RAB28: variants seen among roughly 807,000 people sequenced by gnomAD.
RAB28 encodes ras-related protein Rab-28.
In RAB28, 24 loss-of-function variants were observed where a neutral mutation model predicts 31.7. The ratio of observed to expected loss-of-function variants is 0.76; its 90% CI spans 0.55 to 1.06. RAB28 has a LOEUF of 1.06. Ranked by LOEUF, RAB28 falls within the 50% of genes least tolerant of loss-of-function variation. The pLI is 0.00. For synonymous variants in RAB28, 100 were observed against 90.4 expected, an observed-to-expected ratio of 1.11 and a Z score of -0.60; for missense variants, 254 against 258.5, an observed-to-expected ratio of 0.98 and a Z score of 0.12.
chr4:13,444,381 AAT>A (rs141970253), intron 4 of RAB28, among the ~76,000 whole-genome samples: 1 of 150,768 alleles, frequency 6.6e-6, no homozygotes, highest in African/African-American at 2.4e-5. Flanking sequence ...TGTGTATACA[AAT>A]ATATATATAT....
intron 4 of RAB28, among the ~76,000 whole-genome samples, chr4:13,436,478 T>A (rs1277976458): frequency 6.6e-6 from 1 of 152,054 alleles, no homozygotes; most frequent in Admixed American, 6.6e-5. Context: ...TCCAAAAGAC[T>A]CCTGGACCCA....
intron 4 of RAB28, among the ~76,000 whole-genome samples, chr4:13,388,135 G>C (rs1472304693): frequency 1.3e-5 from 2 of 151,978 alleles, no homozygotes; most frequent in Non-Finnish European, 2.9e-5. Context: ...CGCCATAAAA[G>C]CAATGCTAAT....
intron 3 of RAB28, chr4:13,473,909 T>TA (rs1282591739): frequency 2.8e-6 from 1 of 352,628 alleles, no homozygotes; most frequent in South Asian, 2.2e-5. Flanking sequence ...CACAAAAACA[T>TA]AGACATATAG....
intron 4 of RAB28, among the ~76,000 whole-genome samples, chr4:13,391,690 T>C (rs1729635533): frequency 6.6e-6 from 1 of 151,980 alleles, no homozygotes; most frequent in African/African-American, 2.4e-5. Context: ...ATTAAGAAAA[T>C]GTGGCACATA....
chr4:13,483,528 A>G (rs1716715273), intron 1 of RAB28, among the ~76,000 whole-genome samples: 1 of 152,196 alleles, frequency 6.6e-6, no homozygotes, highest in Non-Finnish European at 1.5e-5. Flanking sequence ...GTATTTTCAC[A>G]TTTCTCCCTT....
intron 5 of RAB28, among the ~76,000 whole-genome samples, chr4:13,377,274 T>C (rs927502354): frequency 3.3e-5 from 5 of 152,240 alleles, no homozygotes; most frequent in African/African-American, 1.2e-4. Context: ...CTGTAATTAC[T>C]AGAGTTCCAA....
chr4:13,438,518 C>G (rs1015419434), intron 4 of RAB28, among the ~76,000 whole-genome samples: 10 of 152,248 alleles, frequency 6.6e-5, no homozygotes, highest in Admixed American at 6.5e-4. Context: ...TAAATAGAAT[C>G]ATGAAATACA....
chr4:13,372,289 G>A (rs745765888), intron 6 of RAB28, among the ~76,000 whole-genome samples: 1 of 152,044 alleles, frequency 6.6e-6, no homozygotes, highest in African/African-American at 2.4e-5. Flanking sequence ...TTTAAAGCAT[G>A]GATATAGGAT....
At chr4:13,376,731 G>T (rs1728938420) in intron 5 of RAB28, 109 bp from the exon 6 acceptor site, 1 of 580,246 alleles carries the variant, frequency 1.7e-6, no homozygotes, top group Admixed American at 3.3e-5. Context: ...GCAAAAATAT[G>T]ATATAGCAGG....
intron 4 of RAB28, among the ~76,000 whole-genome samples, chr4:13,388,841 T>C (rs545371891): frequency 6.6e-6 from 1 of 152,148 alleles, no homozygotes; most frequent in East Asian, 1.9e-4. Flanking sequence ...AACACTAATG[T>C]TTGTTGGTGG....
chr4:13,428,185 C>A (rs1281252534), intron 4 of RAB28, among the ~76,000 whole-genome samples: 1 of 152,236 alleles, frequency 6.6e-6, no homozygotes, highest in Non-Finnish European at 1.5e-5. Context: ...GGGCGCGCCG[C>A]CGGGCTGTCT....
At chr4:13,371,967 G>A in intron 6 of RAB28, 1 of 1,185,678 alleles carries the variant, frequency 8.4e-7, no homozygotes, top group Non-Finnish European at 1.2e-6. Context: ...GGCAGCCATG[G>A]AGGGCATAAG....
At chr4:13,428,944 CTTT>C (rs35547595) in intron 4 of RAB28, among the ~76,000 whole-genome samples, 5 of 133,522 alleles carry the variant, frequency 3.7e-5, no homozygotes, top group Non-Finnish European at 4.8e-5. Context: ...TCTAATTTCA[CTTT>C]TTTTTTTTTT....
At chr4:13,471,667 A>T (rs975172213) in intron 3 of RAB28, among the ~76,000 whole-genome samples, 1 of 151,956 alleles carries the variant, frequency 6.6e-6, no homozygotes, top group African/African-American at 2.4e-5. Flanking sequence ...ATGACCTATC[A>T]TCTATTTTTG....
intron 4 of RAB28, among the ~76,000 whole-genome samples, chr4:13,417,340 CT>C (rs1285450077): frequency 6.6e-6 from 1 of 152,198 alleles, no homozygotes; most frequent in Non-Finnish European, 1.5e-5. Flanking sequence ...GCAGCAGAAA[CT>C]TTTGCACACT....
chr4:13,431,531 A>G (rs1577208159), intron 4 of RAB28, among the ~76,000 whole-genome samples: 1 of 152,116 alleles, frequency 6.6e-6, no homozygotes, highest in African/African-American at 2.4e-5. Flanking sequence ...CTGCTACCAG[A>G]AGAGCTTAGT....
chr4:13,468,428 C>A (rs755894226), intron 3 of RAB28, among the ~76,000 whole-genome samples: 24 of 151,716 alleles, frequency 1.6e-4, no homozygotes, highest in Non-Finnish European at 3.1e-4. Context: ...AGTAAAATAG[C>A]TTTAAAAACT....
intron 4 of RAB28, among the ~76,000 whole-genome samples, chr4:13,430,019 C>A (rs1345408465): frequency 6.6e-6 from 1 of 152,016 alleles, no homozygotes; most frequent in East Asian, 1.9e-4. Context: ...GAGAGTCCAG[C>A]AATAAACCCA....
At chr4:13,461,463 C>T (rs1413280195) in intron 3 of RAB28, among the ~76,000 whole-genome samples, 1 of 152,156 alleles carries the variant, frequency 6.6e-6, no homozygotes, top group Admixed American at 6.5e-5. Context: ...GTTCCTTAAA[C>T]TTGCCTCGAA....
Sources: allele counts gnomAD v4.1 joint callset (sites outside exome capture counted in the v4.1 genomes callset), GRCh38; gene constraint gnomAD v4.1.1; transcripts MANE v1.5; gene names NCBI Gene and HGNC (gene_info 2026-07-23, HGNC 2026-07-21).